The following ADCY10 variants were observed in gnomAD, a reference collection of about 807,000 sequenced individuals.
The protein encoded by ADCY10 is adenylate cyclase type 10.
In ADCY10, 156 loss-of-function variants were observed where a neutral mutation model predicts 183.3. The observed-to-expected ratio is 0.85, with a 90% CI of 0.75 to 0.97. The LOEUF is 0.97. Ranked by LOEUF, ADCY10 falls within the 50% of genes least tolerant of loss-of-function variation. ADCY10 has a pLI of 0.00. For missense variants in ADCY10, 1,745 were observed against 1,934.3 expected (o/e 0.90, Z 1.84); for synonymous variants, 645 against 670.0 (o/e 0.96, Z 0.58).
At chr1:167,883,149 T>C (rs909902711) in intron 9 of ADCY10, among the ~76,000 whole-genome samples, 4 of 152,258 alleles carry the variant, frequency 2.6e-5, no homozygotes, top group African/African-American at 9.6e-5. Context: ...GCCATTGTCC[T>C]GCCTCAGCCT....
intron 1 of ADCY10, among the ~76,000 whole-genome samples, chr1:167,907,546 C>T (rs1034336842): frequency 6.6e-6 from 1 of 152,116 alleles, no homozygotes; most frequent in Non-Finnish European, 1.5e-5. Flanking sequence ...ATGGCATTGA[C>T]CAAAGCAAAT....
At chr1:167,899,691 GTTTT>G in intron 5 of ADCY10, 63 bp from the exon 6 acceptor site, 1 of 1,531,212 alleles carries the variant, frequency 6.5e-7, no homozygotes, top group Non-Finnish European at 9.0e-7. Context: ...AGCAGCACAG[GTTTT>G]TGGAAAAACC....
chr1:167,865,468 C>G (rs1188544971), intron 14 of ADCY10, among the ~76,000 whole-genome samples: 3 of 152,078 alleles, frequency 2.0e-5, no homozygotes, highest in Admixed American at 6.5e-5. Flanking sequence ...TATGGTCAAA[C>G]ATGAAAAATT....
At chr1:167,837,127 A>G (rs1571260010) in intron 22 of ADCY10, 122 bp downstream of exon 22, 1 of 846,756 alleles carries the variant, frequency 1.2e-6, no homozygotes, top group East Asian at 2.5e-5. Flanking sequence ...CATACCCCCC[A>G]AAGTTTCCCA....
chr1:167,834,312 G>A (rs1664026647), intron 23 of ADCY10: 1 of 579,472 alleles, frequency 1.7e-6, no homozygotes, highest in Non-Finnish European at 3.1e-6. Context: ...TCCATCAAGA[G>A]AATGAATCTG....
chr1:167,904,913 C>T (rs931288092), intron 2 of ADCY10, 80 bp downstream of exon 2: 3 of 1,601,696 alleles, frequency 1.9e-6, no homozygotes, highest in South Asian at 1.1e-5. Flanking sequence ...CCTCCCTACT[C>T]TGCAATCAAG....
intron 26 of ADCY10, among the ~76,000 whole-genome samples, chr1:167,825,410 G>A: frequency 6.6e-6 from 1 of 151,832 alleles, no homozygotes; most frequent in East Asian, 1.9e-4. Context: ...CAGCACTTCT[G>A]GAGGCCGAGG....
intron 28 of ADCY10, 94 bp downstream of exon 28, chr1:167,824,382 T>G: frequency 9.7e-7 from 1 of 1,035,774 alleles, no homozygotes; most frequent in East Asian, 2.4e-5. Context: ...CTCTACTCCC[T>G]TCCCCACCCT....
intron 6 of ADCY10, 103 bp downstream of exon 6, chr1:167,899,320 A>G: frequency 8.5e-7 from 1 of 1,177,534 alleles, no homozygotes; most frequent in Non-Finnish European, 1.3e-6. Flanking sequence ...CCCAATCTCC[A>G]GCCCAGGAGC....
rs1668022361 is a variant in ADCY10, at chr1:167,883,631, G to T, written c.829-3C>A. 6.2e-7 allele frequency: 1 copy of T among 1,614,036 alleles called. No homozygotes were observed. Among genetic ancestry groups the T allele is most frequent in the African/African-American group, 1.3e-5 (1 of 74,932 alleles). ...CCCTGAAGCTGTTTGTTATCAATCT[G>T]CAAAGTAGAGAGCAGCTTTCTGTAG... is the stretch of plus-strand genomic sequence containing the variant. On this transcript the variant is annotated splice_region_variant and splice_polypyrimidine_tract_variant and intron_variant, in intron 8 of 32. Coordinates refer to ENST00000367851, the MANE Select transcript of ADCY10 (RefSeq NM_018417.6).
intron 1 of ADCY10, among the ~76,000 whole-genome samples, chr1:167,911,680 C>T (rs566725411): frequency 4.2e-4 from 64 of 152,240 alleles, no homozygotes; most frequent in Non-Finnish European, 8.2e-4. Context: ...AAACTGCTGG[C>T]GAGTATACCC....
chr1:167,899,468 CCGGTCA>C lies in ADCY10; in HGVS notation c.591_596del (p.Cys197_Arg199delinsTrp). 1 of 1,614,204 alleles carries C rather than the reference CCGGTCA, an allele frequency of 6.2e-7. No homozygotes were observed. Among genetic ancestry groups the C allele is most frequent in the East Asian group, 2.2e-5 (1 of 44,886 alleles). On this transcript the variant is annotated inframe_deletion, in exon 6 of 33. Coordinates refer to ENST00000367851, the MANE Select transcript of ADCY10 (RefSeq NM_018417.6). The stretch of plus-strand genomic sequence containing the variant: ...GAACACTCTCAATTTCAATCATGCT[CCGGTCA>C]CAGAGCTGCCAGCAGTTTGGTGACA...
At chr1:167,834,359 G>T in intron 23 of ADCY10, 1 of 505,186 alleles carries the variant, frequency 2.0e-6, no homozygotes, top group Non-Finnish European at 3.6e-6. Context: ...CATCTAGGTT[G>T]CCTTACCCGA....
chr1:167,900,809 G>A (rs1251912844), intron 5 of ADCY10, among the ~76,000 whole-genome samples: 1 of 152,182 alleles, frequency 6.6e-6, no homozygotes, highest in Non-Finnish European at 1.5e-5. Context: ...TGGGATTACA[G>A]GTGTGAGCCA....
chr1:167,856,375 C>T lies in ADCY10; in HGVS notation c.1961G>A (p.Trp654Ter). 3 of 1,614,124 alleles carry T rather than the reference C, an allele frequency of 1.9e-6. No individual in the cohort carries two copies. Among genetic ancestry groups the T allele is most frequent in the South Asian group, 1.1e-5 (1 of 91,084 alleles). Residue 654 changes from tryptophan to a stop codon, truncating the protein, a stop_gained, in exon 17 of 33, where the codon TGG becomes TAG. Transcript: ENST00000367851. LOFTEE classifies it high-confidence loss of function. ...CCGGATAAGCTTCTCCATAAATCTC[C>T]AGGAGGTCGAATCCACAAACTGGGC... ...DEAQFVDSTSWRFMEKLIRTL... is the reference protein window; with the variant it reads ...DEAQFVDSTS
intron 21 of ADCY10, among the ~76,000 whole-genome samples, chr1:167,840,905 C>A (rs968517052): frequency 9.9e-5 from 15 of 151,420 alleles, no homozygotes; most frequent in Non-Finnish European, 2.1e-4. Flanking sequence ...TCCCCAGGTT[C>A]AGGACATTTT....
At chr1:167,884,608 C>T (rs960220637) in intron 8 of ADCY10, among the ~76,000 whole-genome samples, 1 of 152,038 alleles carries the variant, frequency 6.6e-6, no homozygotes, top group African/African-American at 2.4e-5. Context: ...ATTGACCACC[C>T]CCAATTCCTC....
In ADCY10 at chr1:167,905,155, T is replaced by C; in HGVS notation, c.-15A>G. ...GGAGTGTTCATGTTCAAGACAAATG[T>C]TCAGGATTTTATGGTGACAGGAAGC... On this transcript the variant is annotated 5_prime_UTR_variant, in exon 2 of 33. Coordinates refer to ENST00000367851, the MANE Select transcript of ADCY10 (RefSeq NM_018417.6). 3 of 1,614,230 alleles carry C rather than the reference T, an allele frequency of 1.9e-6. No homozygotes were observed. Among genetic ancestry groups the C allele is most frequent in the Non-Finnish European group, 2.5e-6 (3 of 1,180,034 alleles).
intron 30 of ADCY10, chr1:167,821,037 A>T (rs969444230): frequency 6.6e-6 from 1 of 152,214 alleles, no homozygotes; most frequent in Non-Finnish European, 1.5e-5. Flanking sequence ...GTCTCATCAC[A>T]AACCTCTGAT....
Sources: allele counts gnomAD v4.1 joint callset (sites outside exome capture counted in the v4.1 genomes callset), GRCh38; gene constraint gnomAD v4.1.1; transcripts MANE v1.5; gene names NCBI Gene and HGNC (gene_info 2026-07-23, HGNC 2026-07-21).